Variants in UBE2C observed in about 807,000 individuals in gnomAD.
UBE2C encodes the protein ubiquitin conjugating enzyme E2 C.
In UBE2C, 16 loss-of-function variants were observed where a neutral mutation model predicts 23.5. The observed-to-expected ratio is 0.68, with a 90% confidence interval of 0.46 to 1.03. The LOEUF is 1.03. Among genes scored for constraint, UBE2C ranks in the 50% least tolerant of loss-of-function variants. The probability of loss-of-function intolerance (pLI) is 0.00; values close to 1 mark genes in which losing one functional copy is unlikely to be tolerated. For synonymous variants in UBE2C, 76 were observed against 91.6 expected, an observed-to-expected ratio of 0.83 and a Z score of 0.97; for missense variants, 192 against 227.6, an observed-to-expected ratio of 0.84 and a Z score of 1.01.
rs543077923 is a variant in UBE2C at position 45,816,947 on chromosome 20, T to C, written c.*180T>C. 3.0e-5 allele frequency: 16 copies of C among 530,952 alleles called. No homozygotes were observed. The highest frequency in any genetic ancestry group is 5.2e-5 in the Non-Finnish European group (16 of 305,890). The allele number at this position is 530,952 out of a possible 1,614,324, so 32.9% of individuals were successfully genotyped here. On this transcript the variant is annotated 3_prime_UTR_variant, in exon 6 of 6. Coordinates refer to ENST00000356455, the MANE Select transcript of UBE2C (RefSeq NM_007019.4). ...TATTAAATAAATGCATTTTTGTCCT[T>C]TTTTAGACAAGTTGTTGCGTTGTAA...
At position 45,816,722 on chromosome 20, in the gene UBE2C, C is replaced by G; in HGVS notation, c.495C>G (p.Tyr165Ter). Residue 165 changes from tyrosine (Y) to a stop codon, truncating the protein, a stop_gained, in exon 6 of 6, where the codon TAC becomes TAG. Coordinates refer to ENST00000356455, the MANE Select transcript of UBE2C (RefSeq NM_007019.4). LOFTEE classifies it high-confidence loss of function. ...LWKNPTAFKK[Y>*]LQETYSKQVT... ...GTTCTCTTCCAGCTTTTAAGAAGTA[C>G]CTGCAAGAAACCTACTCAAAGCAGG... 6.2e-7 allele frequency: 1 copy of G among 1,613,714 alleles called. No individual in the cohort carries two copies.
rs1421921164 is a variant in UBE2C at position 45,816,846 on chromosome 20, A to G, written c.*79A>G. Reference sequence around the variant, plus strand: ...TCTGTCCTTTTTGTGATTTCTGTATAGGACTCTTTATCTTGAGCTGTGGTA... The same window carrying G: ...TCTGTCCTTTTTGTGATTTCTGTATGGGACTCTTTATCTTGAGCTGTGGTA... On this transcript the variant is annotated 3_prime_UTR_variant, in exon 6 of 6. Transcript: ENST00000356455. 8.0e-7 allele frequency: 1 copy of G among 1,251,286 alleles called. No individual in the cohort carries two copies. Among genetic ancestry groups the G allele is most frequent in the Admixed American group, 2.3e-5 (1 of 44,182 alleles). 77.5% of individuals were successfully genotyped at this position (1,251,286 alleles called of 1,614,324 possible). A position where few individuals can be genotyped will look rare whatever the true frequency, so the allele number is the denominator to read the frequency against.
chr20:45,813,048 G>T, intron 1 of UBE2C: 1 of 1,416,212 alleles, frequency 7.1e-7, no homozygotes, highest in Non-Finnish European at 9.2e-7. Flanking sequence ...AGCTCAGACC[G>T]CTCTTTGAGA....
chr20:45,816,677 T>C (rs1982589318), intron 5 of UBE2C, 32 bp from the exon 6 acceptor site: 1 of 1,599,948 alleles, frequency 6.3e-7, no homozygotes, highest in South Asian at 1.1e-5. Flanking sequence ...CCTGTCTCCA[T>C]CACTCACTGA....
At chr20:45,814,355 A>G in intron 2 of UBE2C, 29 bp from the exon 3 acceptor site, 1 of 1,581,068 alleles carries the variant, frequency 6.3e-7, no homozygotes, top group Non-Finnish European at 8.6e-7. Context: ...AGTGTACTCC[A>G]CATTCCAACA....
intron 1 of UBE2C, 181 bp downstream of exon 1, chr20:45,812,977 G>C (rs1982066270): frequency 7.0e-7 from 1 of 1,431,710 alleles, no homozygotes; most frequent in Non-Finnish European, 9.1e-7. Flanking sequence ...CGAGGGCGGA[G>C]ACTTCCGGGA....
intron 5 of UBE2C, 116 bp from the exon 6 acceptor site, chr20:45,816,593 T>A: frequency 2.3e-6 from 2 of 863,204 alleles, no homozygotes; most frequent in Admixed American, 2.1e-5. Flanking sequence ...GCAGACATCA[T>A]GCTATTGCAC....
At chr20:45,814,053 C>T (rs964118005) in intron 2 of UBE2C, among the ~76,000 whole-genome samples, 4 of 151,262 alleles carry the variant, frequency 2.6e-5, no homozygotes, top group Admixed American at 1.3e-4. Context: ...TGCGGTGAGC[C>T]GAGCGCACCA....
intron 5 of UBE2C, 68 bp from the exon 6 acceptor site, chr20:45,816,641 A>G: frequency 6.8e-7 from 1 of 1,478,992 alleles, no homozygotes; most frequent in Non-Finnish European, 9.4e-7. Context: ...CATCTCAAAA[A>G]TAATAAATAG....
chr20:45,814,299 T>A (rs1008874414), intron 2 of UBE2C, 85 bp from the exon 3 acceptor site: 3 of 435,956 alleles, frequency 6.9e-6, no homozygotes, highest in African/African-American at 3.5e-5. Context: ...TATATATATA[T>A]AAAATTAAGG....
intron 5 of UBE2C, 115 bp from the exon 6 acceptor site, chr20:45,816,594 G>A: frequency 1.2e-6 from 1 of 869,272 alleles, no homozygotes; most frequent in Admixed American, 2.1e-5. Context: ...CAGACATCAT[G>A]CTATTGCACT....
chr20:45,813,045 A>T, intron 1 of UBE2C: 3 of 1,419,112 alleles, frequency 2.1e-6, no homozygotes, highest in Non-Finnish European at 2.7e-6. Context: ...AGGAGCTCAG[A>T]CCGCTCTTTG....
rs752378234 is a variant in UBE2C, at chr20:45,815,913, G to C, written c.481G>C (p.Ala161Pro). The C allele has an allele frequency of 6.2e-7, 1 of 1,614,028 alleles. No homozygotes were observed. Among genetic ancestry groups the C allele is most frequent in the South Asian group, 1.1e-5 (1 of 91,070 alleles). Reference protein sequence around the residue: ...HAAELWKNPTAFKKYLQETYS... With the variant: ...HAAELWKNPTPFKKYLQETYS... ...TGCCGAGCTCTGGAAAAACCCCACA[G>C]GTGAGTCCTCAGTCCTTGAGCCCAG... The change falls in exon 5 of 6, where the codon GCT becomes CCT. Residue 161 changes from alanine (A) to proline (P), a missense_variant and splice_region_variant. Ala to Pro is a conservative substitution (Grantham distance 27). Transcript: ENST00000356455.
In UBE2C at chr20:45,812,701, T is replaced by C; in HGVS notation, c.6T>C (p.Ala2=). The C allele has an allele frequency of 6.4e-7, 1 of 1,551,262 alleles. No individual in the cohort carries two copies. The highest frequency in any genetic ancestry group is 1.2e-5 in the South Asian group (1 of 84,116). ...TCTCTGCCAACGCCGCCCGGATGGC[T>C]TCCCAAAACCGCGACCCAGCCGCCA... M[A]SQNRDPAATS... Residue 2 remains alanine, a synonymous_variant, in exon 1 of 6, where the codon GCT becomes GCC. Transcript: ENST00000356455.
chr20:45,812,737 C>G lies in UBE2C; in HGVS notation c.42C>G (p.Ala14=). ...QNRDPAATSV[A]AARKGAEPSG... Reference sequence around the variant, plus strand: ...GCGACCCAGCCGCCACTAGCGTCGCCGCCGCCCGTAAAGGAGCTGAGCCGA... The same window carrying G: ...GCGACCCAGCCGCCACTAGCGTCGCGGCCGCCCGTAAAGGAGCTGAGCCGA... Residue 14 remains alanine, a synonymous_variant, in exon 1 of 6, where the codon GCC becomes GCG. Transcript: ENST00000356455. The G allele has an allele frequency of 6.4e-7, 1 of 1,555,046 alleles. No homozygotes were observed.
At chr20:45,814,498 G>C (rs201965479) in intron 3 of UBE2C, 28 bp downstream of exon 3, 44 of 1,579,216 alleles carry the variant, frequency 2.8e-5, no homozygotes, top group Non-Finnish European at 3.4e-5. Flanking sequence ...ATGGGTGAGT[G>C]AGTCTGGGGA....
At chr20:45,815,137 A>T (rs1209275993) in intron 3 of UBE2C, among the ~76,000 whole-genome samples, 2 of 150,870 alleles carry the variant, frequency 1.3e-5, no homozygotes, top group African/African-American at 4.9e-5. Context: ...ACGCCCGGCC[A>T]GCAACTAATA....
chr20:45,813,091 C>G, intron 1 of UBE2C: 1 of 1,401,236 alleles, frequency 7.1e-7, no homozygotes, highest in East Asian at 2.7e-5. Context: ...GGTAGGGGCG[C>G]TGCCAGACTC....
chr20:45,816,907 G>A lies in UBE2C; in HGVS notation c.*140G>A, dbSNP rs750863601. 5 of 667,522 alleles carry A rather than the reference G, an allele frequency of 7.5e-6. No individual in the cohort carries two copies. Among genetic ancestry groups the A allele is most frequent in the African/African-American group, 5.6e-5 (3 of 53,710 alleles). The allele number at this position is 667,522 out of a possible 1,614,324, so 41.3% of individuals were successfully genotyped here. A position where few individuals can be genotyped will look rare whatever the true frequency, so the allele number is the denominator to read the frequency against. On this transcript the variant is annotated 3_prime_UTR_variant, in exon 6 of 6. Coordinates refer to ENST00000356455, the MANE Select transcript of UBE2C (RefSeq NM_007019.4). ...GTTTTTGTCTTTTAAATTAAGCCTCGGTTGAGCCCTTGTATATTAAATAAA... is the reference window on the plus strand; with the variant it reads ...GTTTTTGTCTTTTAAATTAAGCCTCAGTTGAGCCCTTGTATATTAAATAAA...
Sources: allele counts gnomAD v4.1 joint callset (sites outside exome capture counted in the v4.1 genomes callset), GRCh38; gene constraint gnomAD v4.1.1; transcripts MANE v1.5; gene names NCBI Gene and HGNC (gene_info 2026-07-23, HGNC 2026-07-21).